The following SELENBP1 variants were observed in gnomAD, a reference collection of about 807,000 sequenced individuals.
SELENBP1 encodes methanethiol oxidase.
SELENBP1 carries 71 observed loss-of-function variants against 61.0 expected under a neutral mutation model. The ratio of observed to expected loss-of-function variants is 1.16; its 90% CI spans 0.96 to 1.42. The LOEUF (loss-of-function observed/expected upper bound fraction) is 1.42. Among genes scored for constraint, SELENBP1 ranks in the 40% most tolerant of loss-of-function variants. The pLI, the probability that SELENBP1 is intolerant of heterozygous loss-of-function variation, is 0.00. For missense variants in SELENBP1, 561 were observed against 605.0 expected (o/e 0.93, Z 0.76); for synonymous variants, 270 against 238.9 (o/e 1.13, Z -1.20).
intron 1 of SELENBP1, among the ~76,000 whole-genome samples, chr1:151,371,578 C>T (rs2102102671): frequency 6.6e-6 from 1 of 152,082 alleles, no homozygotes; most frequent in East Asian, 1.9e-4. Flanking sequence ...TTCTGTTACA[C>T]AATCTTGCTA....
At chr1:151,369,606 G>T (rs1377185488) in intron 2 of SELENBP1, 52 bp from the exon 3 acceptor site, 1 of 1,559,594 alleles carries the variant, frequency 6.4e-7, no homozygotes, top group Non-Finnish European at 8.7e-7. Flanking sequence ...AGGAAAGGTA[G>T]GGGAAGTGCT....
chr1:151,369,397 G>T (rs552906014), intron 3 of SELENBP1, 45 bp downstream of exon 3: 1 of 1,552,186 alleles, frequency 6.4e-7, no homozygotes, highest in Admixed American at 1.8e-5. Context: ...CAGGGATGAG[G>T]GCAGCTATGG....
In SELENBP1 at chr1:151,369,167, G is replaced by T; in HGVS notation, c.197C>A (p.Pro66His). ...GTGATGCAGCTCGTCCTTCAGGTTGGGCATGGGCAGCCGGTGGATGACCTA... is the reference window on the plus strand; with the variant it reads ...GTGATGCAGCTCGTCCTTCAGGTTGTGCATGGGCAGCCGGTGGATGACCTA... ...YCQVIHRLPM[P>H]NLKDELHHSG... Residue 66 changes from proline (P) to histidine (H), a missense_variant, in exon 4 of 12, where the codon CCC becomes CAC. Pro to His is a moderately conservative substitution (Grantham distance 77). Coordinates refer to ENST00000368868, the MANE Select transcript of SELENBP1 (RefSeq NM_003944.4). 6.2e-7 allele frequency: 1 copy of T among 1,612,034 alleles called. No individual in the cohort carries two copies. The highest frequency in any genetic ancestry group is 8.5e-7 in the Non-Finnish European group (1 of 1,178,420).
intron 1 of SELENBP1, chr1:151,370,336 C>T (rs76272402): frequency 0.019 from 3,307 of 175,022 alleles, 53 homozygotes; most frequent in African/African-American, 0.045. Flanking sequence ...CACCAAGATG[C>T]TTCTATATCA....
rs1330648824 is a variant in SELENBP1, at chr1:151,365,195, C to T, written c.1131G>A (p.Val377=). The change falls in exon 10 of 12, where the codon GTG becomes GTA. Residue 377 remains valine, a synonymous_variant. Coordinates refer to ENST00000368868, the MANE Select transcript of SELENBP1 (RefSeq NM_003944.4). The part of the protein sequence containing the change: ...EELKSQPEPL[V]VKGKRVAGGP... ...TAGGGGGAGAGGCTCTTACCTTGAC[C>T]ACTAGGGGCTCTGGCTGGGACTTTA... 4.5e-5 allele frequency: 73 copies of T among 1,613,774 alleles called. No homozygotes were observed. The highest frequency in any genetic ancestry group is 6.0e-5 in the Non-Finnish European group (71 of 1,179,838).
chr1:151,369,636 G>A, intron 2 of SELENBP1, 77 bp downstream of exon 2: 2 of 1,545,878 alleles, frequency 1.3e-6, no homozygotes, highest in African/African-American at 1.4e-5. Context: ...AGAGGGTGGG[G>A]GCTAGGTCTG....
At chr1:151,372,116 G>C (rs1215673984) in intron 1 of SELENBP1, among the ~76,000 whole-genome samples, 2 of 152,178 alleles carry the variant, frequency 1.3e-5, no homozygotes, top group East Asian at 3.8e-4. Context: ...TTAGGGGTGG[G>C]GGAGGCATTG....
In SELENBP1 at chr1:151,366,914, G is replaced by GA; in HGVS notation, c.482-11dup. On this transcript the variant is annotated splice_polypyrimidine_tract_variant and intron_variant, in intron 5 of 11. Coordinates refer to ENST00000368868, the MANE Select transcript of SELENBP1 (RefSeq NM_003944.4). ...AGCAGCACAAAACCCCCTGAACAGG[G>GA]AAGGAAGCAGGGTGGCAGGTAGAAG... 1 of 1,612,534 alleles carries GA rather than the reference G, an allele frequency of 6.2e-7. No individual in the cohort carries two copies. Among genetic ancestry groups the GA allele is most frequent in the African/African-American group, 1.3e-5 (1 of 75,006 alleles).
chr1:151,367,355 A>AAAAAAAAAAAAAAAAGAAAGAAAAG (rs966572769), intron 5 of SELENBP1: 1 of 49,264 alleles, frequency 2.0e-5, no homozygotes, highest in African/African-American at 8.1e-5. Context: ...AAAAAAAAAA[A>AAAAAAAAAAAAAAAAGAAAGAAAAG]AAAAAGAGAA....
rs750371843 is a variant in SELENBP1, at chr1:151,365,895, A to G, written c.844-49T>C. Reference sequence around the variant, plus strand: ...GGTTAGCTGGCAGAGAGGTCAGCCTATCAGAATTGGGGACTAGGGGTTAGA... The same window carrying G: ...GGTTAGCTGGCAGAGAGGTCAGCCTGTCAGAATTGGGGACTAGGGGTTAGA... On this transcript the variant is annotated intron_variant, in intron 7 of 11. Coordinates refer to ENST00000368868, the MANE Select transcript of SELENBP1 (RefSeq NM_003944.4). 4 of 1,600,066 alleles carry G rather than the reference A, an allele frequency of 2.5e-6. No homozygotes were observed. In the African/African-American group the frequency reaches 5.4e-5, roughly 21 times the overall value.
intron 3 of SELENBP1, 93 bp from the exon 4 acceptor site, chr1:151,369,282 C>G (rs371294453): frequency 6.6e-7 from 1 of 1,507,328 alleles, no homozygotes; most frequent in African/African-American, 1.4e-5. Context: ...TTTGGAAGCA[C>G]GGCACAGGCT....
At position 151,366,033 on chromosome 1, in the gene SELENBP1, A is replaced by G. The variant is rs928127394; in HGVS notation, c.844-187T>C. ...GGGGTTGTGTCTGCTTCACCACTGCATTCCCAGAACATAGCACAGTGCCTA... is the reference window on the plus strand; with the variant it reads ...GGGGTTGTGTCTGCTTCACCACTGCGTTCCCAGAACATAGCACAGTGCCTA... On this transcript the variant is annotated intron_variant, in intron 7 of 11. Coordinates refer to ENST00000368868, the MANE Select transcript of SELENBP1 (RefSeq NM_003944.4). 1.1e-5 allele frequency: 8 copies of G among 731,370 alleles called. No homozygotes were observed. The African/African-American group carries it at 1.2e-4, about 11-fold the overall frequency. The allele number at this position is 731,370 out of a possible 1,614,324, so 45.3% of individuals were successfully genotyped here.
At chr1:151,365,897 C>G (rs1249055587) in intron 7 of SELENBP1, 51 bp from the exon 8 acceptor site, 1 of 1,597,248 alleles carries the variant, frequency 6.3e-7, no homozygotes, top group South Asian at 1.1e-5. Flanking sequence ...GTCAGCCTAT[C>G]AGAATTGGGG....
At chr1:151,366,627 G>A (rs1268398071) in intron 6 of SELENBP1, 95 bp downstream of exon 6, 29 of 1,481,096 alleles carry the variant, frequency 2.0e-5, no homozygotes, top group Non-Finnish European at 2.5e-5. Flanking sequence ...TAGATTCTGG[G>A]GCCACAGGAG....
In SELENBP1 at chr1:151,369,560, C is replaced by G. The variant is rs199870911; in HGVS notation, c.62-6G>C. ...GACGATCTCTTCCCTGGGTCCTGCA[C>G]GGTAGAAAGCAGGCAGCAGGGACGG... is the stretch of plus-strand genomic sequence containing the variant. On this transcript the variant is annotated splice_polypyrimidine_tract_variant and splice_region_variant and intron_variant, in intron 2 of 11. Coordinates refer to ENST00000368868, the MANE Select transcript of SELENBP1 (RefSeq NM_003944.4). 1 of 1,599,470 alleles carries G rather than the reference C, an allele frequency of 6.3e-7. No homozygotes were observed. The highest frequency in any genetic ancestry group is 1.1e-5 in the South Asian group (1 of 88,384).
At chr1:151,366,646 G>A in intron 6 of SELENBP1, 76 bp downstream of exon 6, 1 of 1,538,808 alleles carries the variant, frequency 6.5e-7, no homozygotes, top group Non-Finnish European at 8.9e-7. Context: ...AGGGAAGTGT[G>A]GGGGTGGGAG....
chr1:151,369,213 C>G lies in SELENBP1; in HGVS notation c.175-24G>C, dbSNP rs780121246. On this transcript the variant is annotated intron_variant, in intron 3 of 11. Coordinates refer to ENST00000368868, the MANE Select transcript of SELENBP1 (RefSeq NM_003944.4). The stretch of plus-strand genomic sequence containing the variant: ...ACCTAGGATGCGGGGAGAGGTGGTG[C>G]TCCCCCAGGCCACGCCTCTGTCCAC... 5.6e-6 allele frequency: 9 copies of G among 1,599,034 alleles called. 2 individuals are homozygous for G. In the South Asian group the frequency reaches 8.9e-5, roughly 16 times the overall value.
chr1:151,366,828 C>G lies in SELENBP1; in HGVS notation c.558G>C (p.Leu186Phe). 6.2e-7 allele frequency: 1 copy of G among 1,614,140 alleles called. No homozygotes were observed. The highest frequency in any genetic ancestry group is 8.5e-7 in the Non-Finnish European group (1 of 1,180,036). Residue 186 changes from leucine (L) to phenylalanine (F), a missense_variant, in exon 6 of 12, where the codon TTG becomes TTC. By Grantham distance (22) the Leu-to-Phe change is conservative (BLOSUM62 0). Transcript: ENST00000368868. ...GAGGCTGGTACCAGAAGTCATAGCC[C>G]AACGGTGCAGCACCCCCAGGTCTCT... ...TWERPGGAAP[L>F]GYDFWYQPRH...
At chr1:151,367,078 C>T (rs531446941) in intron 5 of SELENBP1, 174 bp from the exon 6 acceptor site, 35 of 1,413,832 alleles carry the variant, frequency 2.5e-5, no homozygotes, top group African/African-American at 1.3e-4. Context: ...AAGAGTGGCT[C>T]ATGCCAGTAA....
Sources: gnomAD v4.1 joint callset for allele counts (sites outside exome capture counted in the v4.1 genomes callset) on GRCh38, gnomAD v4.1.1 for gene constraint, MANE v1.5 for transcripts, NCBI Gene and HGNC (gene_info 2026-07-23, HGNC 2026-07-21) for gene names.